CSK: variants seen among roughly 807,000 people sequenced by gnomAD.
The protein encoded by CSK is tyrosine-protein kinase CSK.
Under a neutral mutation model 62.3 loss-of-function variants are expected in CSK, and 7 were observed. That is an observed-to-expected ratio of 0.11 (90% CI 0.06 to 0.21). CSK has a LOEUF of 0.21. CSK is among the 10% of genes least tolerant of loss of function. The pLI is 1.00. For missense variants in CSK, 294 were observed against 613.5 expected (o/e 0.48, Z 5.50); for synonymous variants, 237 against 246.0 (o/e 0.96, Z 0.34).
In CSK at chr15:74,785,163, T is replaced by G. The variant is rs542942001; in HGVS notation, c.-66+2443T>G. On this transcript the variant is annotated intron_variant, in intron 1 of 12. Coordinates refer to ENST00000220003, the MANE Select transcript of CSK (RefSeq NM_004383.3). ...AGCATTTTGGAGTTCACTGCCAGTC[T>G]TTTCCCCATCCTTTTCCTTCATTGT... 3.3e-5 allele frequency among the ~76,000 whole-genome samples: 5 copies of G among 152,358 alleles called. No homozygotes were observed. In the East Asian group the frequency reaches 9.6e-4, roughly 29 times the overall value.
At chr15:74,783,019 G>A (rs1463721404) in intron 1 of CSK, among the ~76,000 whole-genome samples, 3 of 152,224 alleles carry the variant, frequency 2.0e-5, no homozygotes, top group Non-Finnish European at 4.4e-5. Flanking sequence ...GAGTCTGGAG[G>A]AAGAGGATCC....
chr15:74,799,246 T>C, intron 4 of CSK, 26 bp from the exon 5 acceptor site: 4 of 1,590,330 alleles, frequency 2.5e-6, no homozygotes, highest in African/African-American at 1.3e-5. Context: ...TGGGCCACCA[T>C]GACCTCCAGC....
Position 74,798,731 on chromosome 15 carries a change from A to G in CSK, c.129+3A>G. 6.2e-7 allele frequency: 1 copy of G among 1,613,068 alleles called. No individual in the cohort carries two copies. On this transcript the variant is annotated splice_donor_region_variant and intron_variant, in intron 3 of 12. Transcript: ENST00000220003. The surrounding 1 kb of genome is among the most constrained non-coding windows in gnomAD (Gnocchi z 6.6). The stretch of plus-strand genomic sequence containing the variant: ...TCACCATTGTGGCCGTCACCAAGGT[A>G]ATCAGGTGACGCCCACCCCACCATC...
intron 1 of CSK, among the ~76,000 whole-genome samples, chr15:74,786,960 G>A (rs1339093367): frequency 1.3e-5 from 2 of 152,198 alleles, no homozygotes; most frequent in African/African-American, 4.8e-5. Context: ...CATGACAACT[G>A]CCCTCCTGTC....
At chr15:74,788,661 T>C (rs1425473878) in intron 1 of CSK, 2 of 154,182 alleles carry the variant, frequency 1.3e-5, no homozygotes, top group Admixed American at 6.5e-5. Context: ...CTGTGTGTTC[T>C]GCAGATCCTG....
chr15:74,793,280 G>A (rs1256625466), intron 1 of CSK: 2 of 152,586 alleles, frequency 1.3e-5, no homozygotes, highest in Non-Finnish European at 2.9e-5. Context: ...CCTGTTTCCA[G>A]ACCCTCTGAG....
In CSK at chr15:74,798,838, T is replaced by C; in HGVS notation, c.142T>C (p.Tyr48His). The change falls in exon 4 of 13, where the codon TAC (tyrosine) becomes CAC (histidine). Residue 48 changes from tyrosine (Y) to histidine (H), a missense_variant. This residue lies in a region of CSK where 202 missense variants were observed against 415.7 expected (regional missense o/e 0.49). Transcript: ENST00000220003. This position sits in a 1 kb window ranked among gnomAD's most constrained non-coding sequence, Gnocchi z 6.6. ...GCCCTCTCCCCAGGACCCCAACTGG[T>C]ACAAAGCCAAAAACAAGGTGGGCCG... ...IVAVTKDPNWYKAKNKVGREG... is the reference protein window; with the variant it reads ...IVAVTKDPNWHKAKNKVGREG... 6.3e-7 allele frequency: 1 copy of C among 1,593,418 alleles called. No homozygotes were observed. The highest frequency in any genetic ancestry group is 8.6e-7 in the Non-Finnish European group (1 of 1,168,882).
chr15:74,795,881 A>G (rs948612233), intron 1 of CSK, among the ~76,000 whole-genome samples: 6 of 152,242 alleles, frequency 3.9e-5, no homozygotes, highest in African/African-American at 1.2e-4. Context: ...TATATATTAT[A>G]TACTGTATTC....
At chr15:74,796,531 C>T (rs2063707831) in intron 1 of CSK, among the ~76,000 whole-genome samples, 1 of 150,516 alleles carries the variant, frequency 6.6e-6, no homozygotes, top group South Asian at 2.1e-4. Context: ...GGGTTTGAGG[C>T]TGCTGTGAGC....
At chr15:74,794,848 C>G (rs1428990996) in intron 1 of CSK, among the ~76,000 whole-genome samples, 2 of 152,116 alleles carry the variant, frequency 1.3e-5, no homozygotes, top group African/African-American at 2.4e-5. Context: ...GATCACATGC[C>G]CCCCTGCTGA....
chr15:74,798,663 G>A lies in CSK; in HGVS notation c.64G>A (p.Gly22Ser), dbSNP rs747892475. Residue 22 changes from glycine to serine, a missense_variant, in exon 3 of 13, where the codon GGC (glycine) becomes AGC (serine). Physicochemically the swap from Gly to Ser is moderately conservative, Grantham distance 56 (BLOSUM62 0). Coordinates refer to ENST00000220003, the MANE Select transcript of CSK (RefSeq NM_004383.3). The surrounding 1 kb of genome is among the most constrained non-coding windows in gnomAD (Gnocchi z 6.6). ...TECIAKYNFH[G>S]TAEQDLPFCK... ...ATGTATTGCCAAGTACAACTTCCAC[G>A]GCACTGCCGAGCAGGACCTGCCCTT... 107 of 1,613,588 alleles carry A rather than the reference G, an allele frequency of 6.6e-5. No individual in the cohort carries two copies. The highest frequency in any genetic ancestry group is 1.6e-4 in the Middle Eastern group (1 of 6,084).
intron 1 of CSK, among the ~76,000 whole-genome samples, chr15:74,785,410 G>T (rs1186927991): frequency 1.3e-5 from 2 of 152,174 alleles, no homozygotes; most frequent in Non-Finnish European, 2.9e-5. Context: ...CCCAAAAGCA[G>T]CCAGGGTGTT....
At chr15:74,790,543 C>G (rs2063604169) in intron 1 of CSK, among the ~76,000 whole-genome samples, 1 of 152,236 alleles carries the variant, frequency 6.6e-6, no homozygotes, top group East Asian at 1.9e-4. Context: ...CTGCTGGGAG[C>G]CGGGTTTAGG....
rs1019727737 is a variant in CSK, at chr15:74,782,971, G to A, written c.-66+251G>A. Reference sequence around the variant, plus strand: ...GACTCGTCTTCTCGGGTCATCCCGAGTCCCCCCCTCTGTGGAGCTCAGAGT... The same window carrying A: ...GACTCGTCTTCTCGGGTCATCCCGAATCCCCCCCTCTGTGGAGCTCAGAGT... On this transcript the variant is annotated intron_variant, in intron 1 of 12. Coordinates refer to ENST00000220003, the MANE Select transcript of CSK (RefSeq NM_004383.3). This position sits in a 1 kb window ranked among gnomAD's most constrained non-coding sequence, Gnocchi z 5.7. Among the ~76,000 whole-genome samples, 49 of 152,360 alleles carry A rather than the reference G, an allele frequency of 3.2e-4. No homozygotes were observed. The highest frequency in any genetic ancestry group is 1.2e-3 in the African/African-American group (49 of 41,586).
At chr15:74,783,422 T>C (rs1423067717) in intron 1 of CSK, among the ~76,000 whole-genome samples, 1 of 140,698 alleles carries the variant, frequency 7.1e-6, no homozygotes, top group Non-Finnish European at 1.5e-5. Flanking sequence ...AGCCAGCAGA[T>C]TTTTTGGAGC....
At position 74,798,986 on chromosome 15, in the gene CSK, C is replaced by A; in HGVS notation, c.242+48C>A. The A allele has an allele frequency of 6.9e-7, 1 of 1,446,306 alleles. No individual in the cohort carries two copies. The highest frequency in any genetic ancestry group is 1.4e-5 in the South Asian group (1 of 73,236). The allele number at this position is 1,446,306 out of a possible 1,614,324, so 89.6% of individuals were successfully genotyped here. A position where few individuals can be genotyped will look rare whatever the true frequency, so the allele number is the denominator to read the frequency against. The stretch of plus-strand genomic sequence containing the variant: ...GGGGAGGGAAGGGGCCTTGGTCCTC[C>A]TGAAGGAGCATCAGGAGCAAGCAGG... On this transcript the variant is annotated intron_variant, in intron 4 of 12. Transcript: ENST00000220003. This position sits in a 1 kb window ranked among gnomAD's most constrained non-coding sequence, Gnocchi z 6.6.
rs767850052 is a variant in CSK at position 74,798,080 on chromosome 15, G to A, written c.-65-153G>A. 28 of 555,700 alleles carry A rather than the reference G, an allele frequency of 5.0e-5. No individual in the cohort carries two copies. Among genetic ancestry groups the A allele is most frequent in the South Asian group, 1.6e-4 (7 of 44,566 alleles). 34.4% of individuals were successfully genotyped at this position (555,700 alleles called of 1,614,324 possible). On this transcript the variant is annotated intron_variant, in intron 1 of 12. Transcript: ENST00000220003. This position sits in a 1 kb window ranked among gnomAD's most constrained non-coding sequence, Gnocchi z 6.6. The stretch of plus-strand genomic sequence containing the variant: ...CCCTCATGCTCCTCTACCCAGTACC[G>A]TCAGCCTGCCAGGACTGGAGAGAAT...
Position 74,802,163 on chromosome 15 carries a change from C to G in CSK, c.1170+80C>G, listed in dbSNP as rs1222478451. 29 of 1,480,508 alleles carry G rather than the reference C, an allele frequency of 2.0e-5. No homozygotes were observed. The Admixed American group carries it at 5.3e-4, about 27-fold the overall frequency. The allele number at this position is 1,480,508 out of a possible 1,614,324, so 91.7% of individuals were successfully genotyped here. On this transcript the variant is annotated intron_variant, in intron 12 of 12. Coordinates refer to ENST00000220003, the MANE Select transcript of CSK (RefSeq NM_004383.3). ...GGGGCGTGAGCCTCCTTGGGCCCTG[C>G]CTCCCCAATCAAGGCCTAGAAGCCT...
At chr15:74,786,220 C>T (rs1043270227) in intron 1 of CSK, among the ~76,000 whole-genome samples, 10 of 151,866 alleles carry the variant, frequency 6.6e-5, no homozygotes, top group Non-Finnish European at 1.3e-4. Flanking sequence ...GGGGTTTCTC[C>T]GTGTTGGTCA....
Sources: gnomAD v4.1 joint callset for allele counts (sites outside exome capture counted in the v4.1 genomes callset) on GRCh38, gnomAD v4.1.1 for gene constraint, gnomAD v4.1.1 regional missense constraint, Gnocchi (gnomAD v3.1) non-coding constraint, MANE v1.5 for transcripts, NCBI Gene and HGNC (gene_info 2026-07-23, HGNC 2026-07-21) for gene names.